The following TRAK2 variants were observed in gnomAD, a reference collection of about 807,000 sequenced individuals.
TRAK2 encodes trafficking kinesin-binding protein 2.
A neutral mutation model predicts 104.6 loss-of-function variants in TRAK2; 81 were observed. That is an observed-to-expected ratio of 0.77 (90% CI 0.65 to 0.93). TRAK2 has a LOEUF of 0.93. TRAK2 is among the 40% of genes least tolerant of loss of function. TRAK2 has a pLI of 0.00. For synonymous variants in TRAK2, 406 were observed against 394.4 expected (o/e 1.03, Z -0.35); for missense variants, 1,002 against 1,089.0 (o/e 0.92, Z 1.12).
At chr2:201,386,195 A>G (rs1951388239) in intron 14 of TRAK2, 23 bp downstream of exon 14, 4 of 1,613,102 alleles carry the variant, frequency 2.5e-6, no homozygotes, top group Non-Finnish European at 3.4e-6. Flanking sequence ...ATTATACCAT[A>G]TTCAACCAGA....
intron 2 of TRAK2, chr2:201,410,679 C>T: frequency 1.5e-6 from 2 of 1,312,202 alleles, no homozygotes; most frequent in Non-Finnish European, 2.2e-6. Context: ...TCATGTTCAT[C>T]TGTGTTCCCA....
chr2:201,425,728 A>G (rs76529007), intron 1 of TRAK2, among the ~76,000 whole-genome samples: 37 of 151,120 alleles, frequency 2.4e-4, no homozygotes, highest in African/African-American at 2.4e-4. Flanking sequence ...TTTTTTTTAA[A>G]TAATGTTATA....
intron 1 of TRAK2, among the ~76,000 whole-genome samples, chr2:201,448,279 T>C (rs1951981031): frequency 6.6e-6 from 1 of 152,268 alleles, no homozygotes; most frequent in Admixed American, 6.5e-5. Flanking sequence ...TTTGATCTTG[T>C]CTTCTCTGAC....
At chr2:201,428,491 T>C (rs1020511107) in intron 1 of TRAK2, among the ~76,000 whole-genome samples, 9 of 152,230 alleles carry the variant, frequency 5.9e-5, no homozygotes, top group African/African-American at 2.2e-4. Flanking sequence ...ATGTGTGGTA[T>C]TATTTTTCAG....
intron 15 of TRAK2, 55 bp from the exon 16 acceptor site, chr2:201,381,273 C>G (rs1951342686): frequency 1.4e-6 from 2 of 1,477,434 alleles, no homozygotes; most frequent in East Asian, 4.6e-5. Flanking sequence ...AAAGCAAGCT[C>G]CAAGCTGGCA....
intron 2 of TRAK2, among the ~76,000 whole-genome samples, chr2:201,417,405 A>C (rs757029728): frequency 3.9e-5 from 6 of 152,100 alleles, no homozygotes; most frequent in African/African-American, 4.8e-5. Flanking sequence ...AATATATCAT[A>C]ACCAAGTAGT....
At chr2:201,397,814 T>G in intron 6 of TRAK2, 2 of 554,134 alleles carry the variant, frequency 3.6e-6, no homozygotes, top group South Asian at 5.1e-5. Flanking sequence ...TATTGTGATT[T>G]TCTGAGATAG....
At position 201,380,450 on chromosome 2, in the gene TRAK2, C is replaced by A; in HGVS notation, c.*93G>T. On this transcript the variant is annotated 3_prime_UTR_variant, in exon 16 of 16. Transcript: ENST00000332624. ...ACATTCACAACCCTTGTGCAACATTCCTTTTCTCTCAAGTCAGACCAGACC... is the reference window on the plus strand; with the variant it reads ...ACATTCACAACCCTTGTGCAACATTACTTTTCTCTCAAGTCAGACCAGACC... 7.8e-7 allele frequency: 1 copy of A among 1,274,376 alleles called. No individual in the cohort carries two copies. Among genetic ancestry groups the A allele is most frequent in the South Asian group, 1.5e-5 (1 of 68,220 alleles). The allele number at this position is 1,274,376 out of a possible 1,614,324, so 78.9% of individuals were successfully genotyped here.
chr2:201,399,879 A>T (rs6761777), intron 4 of TRAK2, among the ~76,000 whole-genome samples: 86,622 of 151,884 alleles, frequency 0.57, 25,982 homozygotes, highest in South Asian at 0.69. Context: ...ATTTGTTGAA[A>T]GCAATTGTGT....
At chr2:201,432,743 T>G (rs1218693764) in intron 1 of TRAK2, among the ~76,000 whole-genome samples, 1 of 152,212 alleles carries the variant, frequency 6.6e-6, no homozygotes, top group African/African-American at 2.4e-5. Context: ...AAAACAGCCT[T>G]ATTGAGAAGG....
At chr2:201,429,965 G>C (rs1348514179) in intron 1 of TRAK2, among the ~76,000 whole-genome samples, 1 of 152,134 alleles carries the variant, frequency 6.6e-6, no homozygotes, top group African/African-American at 2.4e-5. Flanking sequence ...CCCTATCTTT[G>C]CGGTTTTATC....
intron 12 of TRAK2, among the ~76,000 whole-genome samples, chr2:201,388,428 T>C (rs1289341248): frequency 2.6e-5 from 4 of 152,106 alleles, no homozygotes; most frequent in Admixed American, 2.6e-4. Flanking sequence ...AGGCATACTA[T>C]CAGTTACAAA....
intron 1 of TRAK2, among the ~76,000 whole-genome samples, chr2:201,422,500 T>A (rs1328454677): frequency 6.6e-6 from 1 of 151,988 alleles, no homozygotes; most frequent in Non-Finnish European, 1.5e-5. Context: ...AAATATTCAA[T>A]GTTTTACAAG....
intron 2 of TRAK2, chr2:201,412,744 C>T (rs976933122): frequency 2.9e-5 from 39 of 1,363,034 alleles, no homozygotes; most frequent in Non-Finnish European, 4.2e-6. Flanking sequence ...TTTCCAGGCT[C>T]CACTTTTATT....
chr2:201,450,209 G>A (rs1046355559), intron 1 of TRAK2, among the ~76,000 whole-genome samples: 3 of 152,068 alleles, frequency 2.0e-5, no homozygotes, highest in Non-Finnish European at 4.4e-5. Context: ...GAGGTCAAGA[G>A]ATCGAGACCA....
chr2:201,377,412 T>G lies in TRAK2; in HGVS notation c.*3131A>C, dbSNP rs8105. On this transcript the variant is annotated 3_prime_UTR_variant, in exon 16 of 16. Coordinates refer to ENST00000332624, the MANE Select transcript of TRAK2 (RefSeq NM_015049.3). ...GTTATCACACTGCACTGCTGTTGGGTTGCATGTGGAGTACAGGTCTGCATG... is the reference window on the plus strand; with the variant it reads ...GTTATCACACTGCACTGCTGTTGGGGTGCATGTGGAGTACAGGTCTGCATG... 1 of 152,130 alleles carries G rather than the reference T, an allele frequency of 6.6e-6. No homozygotes were observed. Among genetic ancestry groups the G allele is most frequent in the Non-Finnish European group, 1.5e-5 (1 of 68,016 alleles). 9.4% of individuals were successfully genotyped at this position (152,130 alleles called of 1,614,324 possible). A position where few individuals can be genotyped will look rare whatever the true frequency, so the allele number is the denominator to read the frequency against.
At chr2:201,415,974 T>A (rs1260075123) in intron 2 of TRAK2, among the ~76,000 whole-genome samples, 1 of 151,856 alleles carries the variant, frequency 6.6e-6, no homozygotes, top group Admixed American at 6.6e-5. Flanking sequence ...AACATTAAAG[T>A]TTCATTCACT....
At chr2:201,440,304 T>C (rs1490110638) in intron 1 of TRAK2, among the ~76,000 whole-genome samples, 1 of 152,158 alleles carries the variant, frequency 6.6e-6, no homozygotes, top group Non-Finnish European at 1.5e-5. Context: ...TGTTGCTAGC[T>C]TGCCTCTCCC....
intron 3 of TRAK2, among the ~76,000 whole-genome samples, chr2:201,405,522 T>G (rs1473503893): frequency 1.3e-5 from 2 of 152,192 alleles, no homozygotes; most frequent in Non-Finnish European, 2.9e-5. Flanking sequence ...AGTTTCTAAT[T>G]TTGTAGGTGG....
Sources: gnomAD v4.1 joint callset for allele counts (sites outside exome capture counted in the v4.1 genomes callset) on GRCh38, gnomAD v4.1.1 for gene constraint, MANE v1.5 for transcripts, NCBI Gene and HGNC (gene_info 2026-07-23, HGNC 2026-07-21) for gene names.